The following PBX1 variants were observed in gnomAD, a reference collection of about 807,000 sequenced individuals.
PBX1 encodes the protein PBX homeobox 1, also known as pre-B-cell leukemia transcription factor 1.
Under a neutral mutation model 53.4 loss-of-function variants are expected in PBX1, and 6 were observed. That is an observed-to-expected ratio of 0.11 (90% CI 0.06 to 0.22). The LOEUF is 0.22. Among genes scored for constraint, PBX1 ranks in the 10% least tolerant of loss-of-function variants. The pLI is 1.00. For synonymous variants in PBX1, 204 were observed against 212.3 expected (o/e 0.96, Z 0.34); for missense variants, 251 against 551.4 (o/e 0.46, Z 5.46).
chr1:164,773,241 GCGCACACA>G (rs1008459012), intron 2 of PBX1, among the ~76,000 whole-genome samples: 12 of 135,298 alleles, frequency 8.9e-5, no homozygotes, highest in Admixed American at 2.2e-4. Context: ...TAGGTAACAC[GCGCACACA>G]CACACACACA....
At chr1:164,611,023 T>G (rs943555169) in intron 2 of PBX1, among the ~76,000 whole-genome samples, 2 of 152,220 alleles carry the variant, frequency 1.3e-5, no homozygotes, top group African/African-American at 4.8e-5. Flanking sequence ...CTTTGTCCTT[T>G]GGCTCTTTCT....
chr1:164,619,916 G>T (rs777112712), intron 2 of PBX1, among the ~76,000 whole-genome samples: 3 of 152,216 alleles, frequency 2.0e-5, no homozygotes, highest in Non-Finnish European at 4.4e-5. Flanking sequence ...GCCCATGCCT[G>T]TAATCCCAGC....
chr1:164,734,094 T>C (rs1665142608), intron 2 of PBX1, among the ~76,000 whole-genome samples: 1 of 152,250 alleles, frequency 6.6e-6, no homozygotes, highest in African/African-American at 2.4e-5. Context: ...TTGCTGACTG[T>C]GATTTTAATG....
intron 2 of PBX1, among the ~76,000 whole-genome samples, chr1:164,643,392 G>T (rs952878977): frequency 6.6e-6 from 1 of 152,190 alleles, no homozygotes; most frequent in Non-Finnish European, 1.5e-5. Context: ...TATTCTAGAA[G>T]AAGATGGGAA....
chr1:164,572,430 G>A (rs181834153), intron 2 of PBX1, among the ~76,000 whole-genome samples: 87 of 152,200 alleles, frequency 5.7e-4, no homozygotes, highest in Middle Eastern at 3.4e-3. Context: ...TGCATGATCA[G>A]GATTTATGTG....
chr1:164,708,376 CTT>C (rs972501394), intron 2 of PBX1, among the ~76,000 whole-genome samples: 3 of 22,878 alleles, frequency 1.3e-4, no homozygotes, highest in Non-Finnish European at 3.7e-4. Flanking sequence ...CATATATAGT[CTT>C]TTTTTAAAAA....
chr1:164,855,853 T>A (rs1671965453), downstream of PBX1, among the ~76,000 whole-genome samples: 1 of 152,236 alleles, frequency 6.6e-6, no homozygotes, highest in Non-Finnish European at 1.5e-5. Context: ...TCTCTGAGAA[T>A]GACCTTTGAA....
At chr1:164,735,736 T>G (rs532503143) in intron 2 of PBX1, among the ~76,000 whole-genome samples, 1 of 152,298 alleles carries the variant, frequency 6.6e-6, no homozygotes, top group African/African-American at 2.4e-5. Context: ...GGACAAGTTT[T>G]CAACATTCCG....
chr1:164,614,100 A>G (rs1657113960), intron 2 of PBX1, among the ~76,000 whole-genome samples: 1 of 152,216 alleles, frequency 6.6e-6, no homozygotes, highest in East Asian at 1.9e-4. Context: ...TTCCTTGCCC[A>G]GAATCACTCG....
At chr1:164,605,368 T>C (rs1656480363) in intron 2 of PBX1, 1 of 151,956 alleles carries the variant, frequency 6.6e-6, no homozygotes, top group Non-Finnish European at 1.5e-5. Context: ...AGGGCTATGG[T>C]AGGGATTAAG....
chr1:164,623,048 C>T (rs1462753050), intron 2 of PBX1, among the ~76,000 whole-genome samples: 2 of 152,068 alleles, frequency 1.3e-5, no homozygotes, highest in East Asian at 1.9e-4. Context: ...CTCCTGACCT[C>T]GTGATCCACC....
At chr1:164,657,686 G>T (rs1393439416) in intron 2 of PBX1, among the ~76,000 whole-genome samples, 1 of 152,096 alleles carries the variant, frequency 6.6e-6, no homozygotes, top group Non-Finnish European at 1.5e-5. Context: ...TGTTTTTTGG[G>T]GAATCGGGAG....
chr1:164,625,877 T>C (rs1658002041), intron 2 of PBX1: 1 of 980,188 alleles, frequency 1.0e-6, no homozygotes. Context: ...CCTTCTGCCT[T>C]TCTGTAAAAT....
intron 2 of PBX1, among the ~76,000 whole-genome samples, chr1:164,690,033 G>C (rs1435009054): frequency 3.9e-5 from 6 of 152,144 alleles, no homozygotes; most frequent in East Asian, 1.9e-4. Flanking sequence ...GTATTCAGTT[G>C]CATGCTGCTT....
At chr1:164,796,157 G>A (rs568488152) in intron 3 of PBX1, among the ~76,000 whole-genome samples, 73 of 151,866 alleles carry the variant, frequency 4.8e-4, no homozygotes, top group African/African-American at 1.6e-3. Flanking sequence ...ATACAGGCAC[G>A]TGCCACCACG....
At chr1:164,725,733 C>T (rs1664666049) in intron 2 of PBX1, among the ~76,000 whole-genome samples, 1 of 152,112 alleles carries the variant, frequency 6.6e-6, no homozygotes, top group African/African-American at 2.4e-5. Context: ...AAATTATGCT[C>T]CTATAATGTC....
intron 2 of PBX1, among the ~76,000 whole-genome samples, chr1:164,618,303 G>C (rs111595506): frequency 0.023 from 3,414 of 150,402 alleles, 225 homozygotes; most frequent in African/African-American, 0.079. Flanking sequence ...ACGGCGGGGG[G>C]GGGGGGGCAC....
intron 2 of PBX1, among the ~76,000 whole-genome samples, chr1:164,574,428 G>A (rs532904160): frequency 1.5e-3 from 222 of 152,288 alleles, no homozygotes; most frequent in Non-Finnish European, 2.3e-3. Context: ...GAGAGCCTCT[G>A]ATCTGACTCC....
rs375145672 is a variant in PBX1, at chr1:164,599,071, A to ATTTTTT, written c.265+35772_265+35777dup. Among the ~76,000 whole-genome samples the ATTTTTT allele has an allele frequency of 1.8e-4, 21 of 118,830 alleles. 1 individual carries two copies. Among genetic ancestry groups the ATTTTTT allele is most frequent in the East Asian group, 2.5e-4 (1 of 4,058 alleles). 78.0% of individuals were successfully genotyped at this position (118,830 alleles called of 152,430 possible). A position where few individuals can be genotyped will look rare whatever the true frequency, so the allele number is the denominator to read the frequency against. The stretch of plus-strand genomic sequence containing the variant: ...ATTTTCTGTCTCTTTTTTCCTCCTG[A>ATTTTTT]TTTTTTTTTTTTTTTTTGCAAAGAA... On this transcript the variant is annotated intron_variant, in intron 2 of 8. Coordinates refer to ENST00000420696, the MANE Select transcript of PBX1 (RefSeq NM_002585.4).
Sources: allele counts gnomAD v4.1 joint callset (sites outside exome capture counted in the v4.1 genomes callset), GRCh38; gene constraint gnomAD v4.1.1; transcripts MANE v1.5; gene names NCBI Gene and HGNC (gene_info 2026-07-23, HGNC 2026-07-21).